Variants in HECTD4 observed in about 807,000 individuals in gnomAD.
The protein encoded by HECTD4 is HECT domain E3 ubiquitin protein ligase 4, also known as probable E3 ubiquitin-protein ligase HECTD4.
In HECTD4, 114 loss-of-function variants were observed where a neutral mutation model predicts 471.5. The ratio of observed to expected loss-of-function variants is 0.24; its 90% CI spans 0.21 to 0.28. The LOEUF is 0.28. Ranked by LOEUF, HECTD4 falls within the 10% of genes least tolerant of loss-of-function variation. The pLI is 1.00. For missense variants in HECTD4, 3,866 were observed against 5,651.5 expected (o/e 0.68, Z 10.13); for synonymous variants, 2,012 against 2,256.0 (o/e 0.89, Z 3.07).
intron 7 of HECTD4, among the ~76,000 whole-genome samples, chr12:112,289,291 T>G (rs1466081646): frequency 6.6e-6 from 1 of 152,134 alleles, no homozygotes; most frequent in Admixed American, 6.5e-5. Context: ...TTTGTAGAAA[T>G]GGGGTCTCAC....
intron 1 of HECTD4, among the ~76,000 whole-genome samples, chr12:112,347,463 T>C (rs909049552): frequency 1.3e-5 from 2 of 151,966 alleles, no homozygotes; most frequent in East Asian, 1.9e-4. Context: ...TGAGCCAAGA[T>C]TGCACCACTG....
chr12:112,203,368 C>T (rs2032486121), intron 54 of HECTD4: 1 of 318,124 alleles, frequency 3.1e-6, no homozygotes, highest in African/African-American at 2.1e-5. Flanking sequence ...ACATGTCGGA[C>T]AGAAAATAAT....
At position 112,357,013 on chromosome 12, in the gene HECTD4, C is replaced by T. The variant is rs149606370; in HGVS notation, c.177+24939G>A. ...ATACTTTGAGAGGCATTGTTCTGTA[C>T]GGAACATACTTTATTTTCCAGAGTA... is the stretch of plus-strand genomic sequence containing the variant. On this transcript the variant is annotated intron_variant, in intron 1 of 75. Transcript: ENST00000682272. Among the ~76,000 whole-genome samples, 7 of 152,200 alleles carry T rather than the reference C, an allele frequency of 4.6e-5. No homozygotes were observed. In the East Asian group the frequency reaches 7.7e-4, roughly 17 times the overall value.
At chr12:112,221,861 TCTC>T (rs746512403) in intron 44 of HECTD4, among the ~76,000 whole-genome samples, 5 of 151,290 alleles carry the variant, frequency 3.3e-5, no homozygotes, top group Admixed American at 6.6e-5. Context: ...TTCAAGCGAT[TCTC>T]CTGCCTCAGC....
rs770462682 is a variant in HECTD4, at chr12:112,193,318, C to T, written c.8956-127G>A. The T allele has an allele frequency of 7.3e-7, 1 of 1,364,336 alleles. No individual in the cohort carries two copies. The highest frequency in any genetic ancestry group is 1.0e-6 in the Non-Finnish European group (1 of 992,032). The allele number at this position is 1,364,336 out of a possible 1,614,324, so 84.5% of individuals were successfully genotyped here. A position where few individuals can be genotyped will look rare whatever the true frequency, so the allele number is the denominator to read the frequency against. Reference sequence around the variant, plus strand: ...TAGCCCTCTGGAAGGAAGCAAGCTACAGATGAGATAAAGCAGAAAAGCTTC... The same window carrying T: ...TAGCCCTCTGGAAGGAAGCAAGCTATAGATGAGATAAAGCAGAAAAGCTTC... On this transcript the variant is annotated intron_variant, in intron 57 of 75. Transcript: ENST00000682272. The surrounding 1 kb of genome is among the most constrained non-coding windows in gnomAD (Gnocchi z 5.2).
intron 29 of HECTD4, 149 bp from the exon 30 acceptor site, chr12:112,244,158 T>C (rs1038546119): frequency 5.1e-6 from 3 of 587,668 alleles, no homozygotes; most frequent in African/African-American, 3.7e-5. Context: ...CTGATGGTTT[T>C]TACATCAATT....
At chr12:112,234,850 G>C (rs1170937955) in intron 37 of HECTD4, among the ~76,000 whole-genome samples, 1 of 152,226 alleles carries the variant, frequency 6.6e-6, no homozygotes, top group Non-Finnish European at 1.5e-5. Context: ...ACAGTACCAA[G>C]TTGTGGTTCA....
intron 44 of HECTD4, among the ~76,000 whole-genome samples, chr12:112,223,928 A>T (rs1432017088): frequency 5.3e-5 from 8 of 152,210 alleles, no homozygotes; most frequent in African/African-American, 1.4e-4. Flanking sequence ...AAAAATTTTT[A>T]AAAATTTGAG....
chr12:112,250,098 CT>C (rs531305361), intron 25 of HECTD4, 45 bp downstream of exon 25: 32 of 1,403,106 alleles, frequency 2.3e-5, no homozygotes, highest in Non-Finnish European at 3.0e-5. Context: ...ATTGTTTAAA[CT>C]TTTTTTTCCC....
At chr12:112,181,256 G>GA (rs2031658735) in intron 62 of HECTD4, among the ~76,000 whole-genome samples, 1 of 152,004 alleles carries the variant, frequency 6.6e-6, no homozygotes, top group Non-Finnish European at 1.5e-5. Flanking sequence ...CTGAGGAAGA[G>GA]AAAAAGATCA....
At position 112,228,942 on chromosome 12, in the gene HECTD4, T is replaced by C; in HGVS notation, c.6520-131A>G. On this transcript the variant is annotated intron_variant, in intron 41 of 75. Coordinates refer to ENST00000682272, the MANE Select transcript of HECTD4 (RefSeq NM_001388303.1). This position sits in a 1 kb window ranked among gnomAD's most constrained non-coding sequence, Gnocchi z 4.9. ...ACAGTAATAGTTTATACTACTAGGG[T>C]AGCAGATACCAAGCCCTAGACATGA... 1 of 847,704 alleles carries C rather than the reference T, an allele frequency of 1.2e-6. No homozygotes were observed. Among genetic ancestry groups the C allele is most frequent in the Non-Finnish European group, 1.9e-6 (1 of 528,638 alleles). 52.5% of individuals were successfully genotyped at this position (847,704 alleles called of 1,614,324 possible).
rs1020227273 is a variant in HECTD4 at position 112,336,949 on chromosome 12, A to C, written c.178-17207T>G. 1.8e-4 allele frequency among the ~76,000 whole-genome samples: 27 copies of C among 152,350 alleles called. 1 individual carries two copies. The highest frequency in any genetic ancestry group is 5.8e-4 in the African/African-American group (24 of 41,588). On this transcript the variant is annotated intron_variant, in intron 1 of 75. Coordinates refer to ENST00000682272, the MANE Select transcript of HECTD4 (RefSeq NM_001388303.1). ...TGAATGATTATGATCACTGGCTGTG[A>C]TCAAGAAGAAACTGATAGCCTTTCA...
chr12:112,273,776 C>T lies in HECTD4; in HGVS notation c.1821G>A (p.Val607=). Residue 607 remains valine (V), a synonymous_variant, in exon 11 of 76, where the codon GTG becomes GTA. Coordinates refer to ENST00000682272, the MANE Select transcript of HECTD4 (RefSeq NM_001388303.1). ...TTGAGCATGTCCATAGCATGTTGTT[C>T]ACTGTGTCATAACACGCTCCTGCAA... is the stretch of plus-strand genomic sequence containing the variant. ...VPGLGACYDT[V]NNMLWTCSND... 1 of 1,613,908 alleles carries T rather than the reference C, an allele frequency of 6.2e-7. No individual in the cohort carries two copies.
In HECTD4 at chr12:112,184,953, G is replaced by C; in HGVS notation, c.10013C>G (p.Pro3338Arg). 6.2e-7 allele frequency: 1 copy of C among 1,613,746 alleles called. No homozygotes were observed. The highest frequency in any genetic ancestry group is 1.1e-5 in the South Asian group (1 of 91,070). ...RQSSRTVDSD[P>R]TVLSIGGSKP... ...GCTGCCTCCGATGCTGAGCACGGTG[G>C]GGTCCGAGTCCACGGTGCGGGAAGA... is the stretch of plus-strand genomic sequence containing the variant. The change falls in exon 61 of 76, where the codon CCC becomes CGC. Residue 3338 changes from proline (P) to arginine (R), a missense_variant. Physicochemically the swap from Pro to Arg is moderately radical, Grantham distance 103. Around this residue, in one of 16 missense-constraint regions of HECTD4, gnomAD observed 57 missense variants for 49.8 expected, o/e 1.14. Coordinates refer to ENST00000682272, the MANE Select transcript of HECTD4 (RefSeq NM_001388303.1). The surrounding 1 kb of genome is among the most constrained non-coding windows in gnomAD (Gnocchi z 9.1).
In HECTD4 at chr12:112,269,846, C is replaced by T. The variant is rs1174599411; in HGVS notation, c.2179G>A (p.Val727Ile). The change falls in exon 13 of 76, where the codon GTA (valine) becomes ATA (isoleucine). Residue 727 changes from valine to isoleucine, a missense_variant. Coordinates refer to ENST00000682272, the MANE Select transcript of HECTD4 (RefSeq NM_001388303.1). ...IRCILVVFQVVFKFFFSPQTE... is the reference protein window; with the variant it reads ...IRCILVVFQVIFKFFFSPQTE... The stretch of plus-strand genomic sequence containing the variant: ...TGTGGGCTGAAGAAAAATTTAAATA[C>T]CACCTACAGAAACAGAAGGAGTCTA... The T allele has an allele frequency of 1.2e-6, 2 of 1,613,200 alleles. No individual in the cohort carries two copies. Among genetic ancestry groups the T allele is most frequent in the South Asian group, 1.1e-5 (1 of 91,022 alleles).
intron 44 of HECTD4, among the ~76,000 whole-genome samples, chr12:112,225,111 C>T (rs757128346): frequency 4.6e-5 from 7 of 152,006 alleles, no homozygotes; most frequent in Non-Finnish European, 1.0e-4. Flanking sequence ...CCTGGATCTC[C>T]CAGCTGGAGC....
At chr12:112,351,446 A>T (rs2036247018) in intron 1 of HECTD4, among the ~76,000 whole-genome samples, 1 of 152,144 alleles carries the variant, frequency 6.6e-6, no homozygotes. Flanking sequence ...CAGCATGGAG[A>T]TCTTCTCTAG....
At chr12:112,216,405 A>G in intron 47 of HECTD4, 34 bp from the exon 48 acceptor site, 1 of 1,429,778 alleles carries the variant, frequency 7.0e-7, no homozygotes, top group Non-Finnish European at 9.7e-7. Context: ...GGTCAAAGAC[A>G]AGAAAGATAA....
intron 8 of HECTD4, among the ~76,000 whole-genome samples, chr12:112,282,164 A>T (rs1480888266): frequency 2.0e-5 from 3 of 152,148 alleles, no homozygotes; most frequent in Non-Finnish European, 4.4e-5. Context: ...TGGGCGGATC[A>T]CGAGGTCAGG....
Sources: allele counts gnomAD v4.1 joint callset (sites outside exome capture counted in the v4.1 genomes callset), GRCh38; gene constraint gnomAD v4.1.1; regional missense constraint gnomAD v4.1.1; non-coding constraint Gnocchi (gnomAD v3.1); transcripts MANE v1.5; gene names NCBI Gene and HGNC (gene_info 2026-07-23, HGNC 2026-07-21).